The following ZNF678 variants were observed in gnomAD, a reference collection of about 807,000 sequenced individuals.
The protein encoded by ZNF678 is zinc finger protein 678.
A neutral mutation model predicts 3.0 loss-of-function variants in ZNF678; 5 were observed. The observed-to-expected ratio is 1.69, with a 90% CI of 0.88 to 3.56. The LOEUF (loss-of-function observed/expected upper bound fraction) is 3.56. ZNF678 is among the 30% of genes most tolerant of loss of function. ZNF678 has a pLI of 0.00. For missense variants in ZNF678, 593 were observed against 605.0 expected (o/e 0.98, Z 0.21); for synonymous variants, 218 against 199.6 (o/e 1.09, Z -0.78).
rs150327911 is a variant in ZNF678 at position 227,639,659 on chromosome 1, A to AAAGG, written c.-163-6882_-163-6881insGAAG. On this transcript the variant is annotated intron_variant, in intron 1 of 3. Coordinates refer to ENST00000343776, the MANE Select transcript of ZNF678 (RefSeq NM_001367909.1). ...GGAGACACACAATCATGTGGTCTCA[A>AAAGG]AAGCGGTGTCCAGAGGCCCCGTCTT... Among the ~76,000 whole-genome samples, 699 of 152,306 alleles carry AAAGG rather than the reference A, an allele frequency of 4.6e-3. 18 individuals are homozygous for AAAGG. The South Asian group carries it at 0.057, about 12-fold the overall frequency.
chr1:227,678,550 T>G (rs917004763), downstream of ZNF678, among the ~76,000 whole-genome samples: 1 of 152,200 alleles, frequency 6.6e-6, no homozygotes, highest in Non-Finnish European at 1.5e-5. Flanking sequence ...GCAATGGCAA[T>G]TACTCAGCTC....
At chr1:227,568,443 A>G (rs536325458) in intron 1 of ZNF678, among the ~76,000 whole-genome samples, 8 of 152,180 alleles carry the variant, frequency 5.3e-5, no homozygotes, top group Non-Finnish European at 8.8e-5. Flanking sequence ...CAAAATGAGA[A>G]GAGTGTTTCT....
chr1:227,618,143 T>TA (rs1658187582), intron 1 of ZNF678, among the ~76,000 whole-genome samples: 1 of 152,214 alleles, frequency 6.6e-6, no homozygotes, highest in Non-Finnish European at 1.5e-5. Context: ...TGCCTTGTGT[T>TA]ACCTTTGGGT....
At chr1:227,607,388 C>T (rs879346676) in intron 1 of ZNF678, among the ~76,000 whole-genome samples, 4 of 152,090 alleles carry the variant, frequency 2.6e-5, no homozygotes, top group Non-Finnish European at 5.9e-5. Flanking sequence ...TGTCATTTTG[C>T]ATAAGACAAA....
chr1:227,650,950 G>A lies in ZNF678; in HGVS notation c.-36-6G>A. On this transcript the variant is annotated splice_polypyrimidine_tract_variant and splice_region_variant and intron_variant, in intron 2 of 3. Coordinates refer to ENST00000343776, the MANE Select transcript of ZNF678 (RefSeq NM_001367909.1). ...AAAAATTTTCTTGCCTAATTGTTCTGTCTAGGACTTCCAGGACTATGTTAA... is the reference window on the plus strand; with the variant it reads ...AAAAATTTTCTTGCCTAATTGTTCTATCTAGGACTTCCAGGACTATGTTAA... 6.2e-7 allele frequency: 1 copy of A among 1,600,742 alleles called. No homozygotes were observed. Among genetic ancestry groups the A allele is most frequent in the Non-Finnish European group, 8.5e-7 (1 of 1,173,318 alleles).
chr1:227,573,161 T>A (rs1656898861), intron 1 of ZNF678, among the ~76,000 whole-genome samples: 1 of 152,214 alleles, frequency 6.6e-6, no homozygotes, highest in Non-Finnish European at 1.5e-5. Context: ...CATGGTTATT[T>A]ATTGTCAGTA....
intron 1 of ZNF678, among the ~76,000 whole-genome samples, chr1:227,579,870 G>A (rs905583118): frequency 3.9e-5 from 6 of 152,188 alleles, no homozygotes; most frequent in African/African-American, 1.2e-4. Flanking sequence ...ACTGGAGCAA[G>A]TTGAGCCTGT....
chr1:227,589,782 T>C (rs1246968766), intron 1 of ZNF678, among the ~76,000 whole-genome samples: 1 of 151,864 alleles, frequency 6.6e-6, no homozygotes, highest in African/African-American at 2.4e-5. Context: ...GGTCGATCTT[T>C]AACTATCACG....
intron 1 of ZNF678, among the ~76,000 whole-genome samples, chr1:227,607,224 T>A (rs540090076): frequency 2.1e-4 from 32 of 152,366 alleles, no homozygotes; most frequent in African/African-American, 7.5e-4. Context: ...TGTCTATAGT[T>A]TCTAATGTTC....
chr1:227,652,607 A>G (rs140725150), intron 3 of ZNF678, among the ~76,000 whole-genome samples: 1 of 152,234 alleles, frequency 6.6e-6, no homozygotes, highest in East Asian at 1.9e-4. Context: ...CCCCAAAGTT[A>G]CAACATATAA....
intron 1 of ZNF678, among the ~76,000 whole-genome samples, chr1:227,599,743 T>G (rs1657686664): frequency 6.6e-6 from 1 of 152,214 alleles, no homozygotes; most frequent in African/African-American, 2.4e-5. Flanking sequence ...ACACCGTACA[T>G]GAATGTTGCT....
At chr1:227,643,687 G>A (rs1375757900) in intron 1 of ZNF678, among the ~76,000 whole-genome samples, 1 of 151,942 alleles carries the variant, frequency 6.6e-6, no homozygotes, top group Non-Finnish European at 1.5e-5. Flanking sequence ...AAAACATTTT[G>A]CTCAGTAACC....
Position 227,654,897 on chromosome 1 carries a change from A to G in ZNF678, c.647A>G (p.Lys216Arg), listed in dbSNP as rs533247503. 4 of 1,608,698 alleles carry G rather than the reference A, an allele frequency of 2.5e-6. No individual in the cohort carries two copies. The highest frequency in any genetic ancestry group is 3.4e-6 in the Non-Finnish European group (4 of 1,179,052). The change falls in exon 4 of 4, where the codon AAA (lysine) becomes AGA (arginine). Residue 216 changes from lysine (K) to arginine (R), a missense_variant. Physicochemically the swap from Lys to Arg is conservative, Grantham distance 26 (BLOSUM62 2). Transcript: ENST00000343776. ...EKPYPCEECGKAFTQFSNLTQ... is the reference protein window; with the variant it reads ...EKPYPCEECGRAFTQFSNLTQ... ...CCATACCCATGTGAAGAATGTGGCAAAGCCTTTACCCAGTTCTCAAACCTT... is the reference window on the plus strand; with the variant it reads ...CCATACCCATGTGAAGAATGTGGCAGAGCCTTTACCCAGTTCTCAAACCTT...
chr1:227,676,670 C>G (rs1020421694), intron 5 of ZNF678, among the ~76,000 whole-genome samples: 1 of 133,574 alleles, frequency 7.5e-6, no homozygotes, highest in African/African-American at 2.7e-5. Flanking sequence ...TATCCCTCCC[C>G]CCTCCCCCTC....
chr1:227,606,353 CAT>C (rs1375466779), intron 1 of ZNF678, among the ~76,000 whole-genome samples: 10 of 152,330 alleles, frequency 6.6e-5, no homozygotes, highest in Admixed American at 3.9e-4. Context: ...CGGATGTACA[CAT>C]AGGCTAGATT....
chr1:227,632,565 A>G (rs1658573648), intron 1 of ZNF678, among the ~76,000 whole-genome samples: 1 of 152,072 alleles, frequency 6.6e-6, no homozygotes, highest in Non-Finnish European at 1.5e-5. Flanking sequence ...GTGAAAGTGG[A>G]AGCTAGTTCC....
At chr1:227,666,998 G>C (rs1659514072), downstream of ZNF678, among the ~76,000 whole-genome samples, 2 of 151,462 alleles carry the variant, frequency 1.3e-5, no homozygotes, top group South Asian at 4.2e-4. Flanking sequence ...ACCCACCTCG[G>C]CCTCCCAAAG....
intron 1 of ZNF678, among the ~76,000 whole-genome samples, chr1:227,603,717 C>T (rs188139465): frequency 6.6e-6 from 1 of 152,308 alleles, no homozygotes; most frequent in East Asian, 1.9e-4. Context: ...TGCTCCAGGT[C>T]TGTTGACAAA....
At chr1:227,565,719 T>G (rs755110416) in intron 1 of ZNF678, among the ~76,000 whole-genome samples, 6 of 152,234 alleles carry the variant, frequency 3.9e-5, no homozygotes, top group African/African-American at 1.4e-4. Context: ...TTGAAAACTT[T>G]GGAAACTTTA....
Sources: allele counts gnomAD v4.1 joint callset (sites outside exome capture counted in the v4.1 genomes callset), GRCh38; gene constraint gnomAD v4.1.1; transcripts MANE v1.5; gene names NCBI Gene and HGNC (gene_info 2026-07-23, HGNC 2026-07-21).